The following ZNF705A variants were observed in gnomAD, a reference collection of about 807,000 sequenced individuals.
The protein encoded by ZNF705A is zinc finger protein 705A.
In ZNF705A, 8 loss-of-function variants were observed where a neutral mutation model predicts 16.6. The ratio of observed to expected loss-of-function variants is 0.48; its 90% CI spans 0.28 to 0.87. The LOEUF (loss-of-function observed/expected upper bound fraction) is 0.87. Ranked by LOEUF, ZNF705A falls within the 40% of genes least tolerant of loss-of-function variation. The pLI, the probability that ZNF705A is intolerant of heterozygous loss-of-function variation, is 0.10. For synonymous variants in ZNF705A, 73 were observed against 117.3 expected, an observed-to-expected ratio of 0.62 and a Z score of 2.44; for missense variants, 233 against 359.9, an observed-to-expected ratio of 0.65 and a Z score of 2.85.
intron 1 of ZNF705A, among the ~76,000 whole-genome samples, chr12:8,172,912 C>T (rs1031135349): frequency 6.6e-6 from 1 of 152,102 alleles, no homozygotes; most frequent in African/African-American, 2.4e-5. Context: ...TATTTTATTC[C>T]AGCCCCTATT....
intron 1 of ZNF705A, among the ~76,000 whole-genome samples, chr12:8,165,878 G>T (rs1029382491): frequency 6.6e-6 from 1 of 152,250 alleles, no homozygotes. Flanking sequence ...GTATTCCATG[G>T]TGTACATATA....
In ZNF705A at chr12:8,166,372, A is replaced by G. The variant is rs770826903; in HGVS notation, c.-71-6183A>G. On this transcript the variant is annotated intron_variant, in intron 1 of 5. Transcript: ENST00000396570. ...AAATCTCACCTCAAATTGTACTCCC[A>G]TAATTCCCACATGTTGTGGGGGGAC... 4.6e-5 allele frequency among the ~76,000 whole-genome samples: 7 copies of G among 152,284 alleles called. No individual in the cohort carries two copies. The South Asian group carries it at 1.0e-3, about 23-fold the overall frequency.
chr12:8,178,867 A>G (rs1948508642), exon 5 of ZNF705A: 3 of 152,180 alleles, frequency 2.0e-5, no homozygotes, highest in Admixed American at 2.0e-4. Context: ...TTCTACCCCA[A>G]CTTCTGAGTC....
chr12:8,173,813 C>T (rs1459806419), intron 1 of ZNF705A, among the ~76,000 whole-genome samples: 8 of 152,242 alleles, frequency 5.3e-5, no homozygotes, highest in Admixed American at 3.9e-4. Context: ...AGATAGGAAA[C>T]ACGTTTTCTA....
At chr12:8,172,140 G>T (rs1292425553), upstream of ZNF705A, among the ~76,000 whole-genome samples, 1 of 151,788 alleles carries the variant, frequency 6.6e-6, no homozygotes, top group Admixed American at 6.6e-5. Context: ...AGGCTGTGGT[G>T]GGTGTTGGAG....
Position 8,158,904 on chromosome 12 carries a change from G to C in ZNF705A, c.-72+1812G>C, listed in dbSNP as rs746385329. Among the ~76,000 whole-genome samples the C allele has an allele frequency of 6.6e-5, 10 of 151,966 alleles. No individual in the cohort carries two copies. The South Asian group carries it at 2.1e-3, about 32-fold the overall frequency. Reference sequence around the variant, plus strand: ...TTTTGTGGTGATTTGTGAGATTTTGGTGCACCCATCTCCCGAGCAGTGTAC... The same window carrying C: ...TTTTGTGGTGATTTGTGAGATTTTGCTGCACCCATCTCCCGAGCAGTGTAC... On this transcript the variant is annotated intron_variant, in intron 1 of 5. Transcript: ENST00000396570.
chr12:8,176,891 C>A, intron 4 of ZNF705A, 108 bp from the exon 6 acceptor site: 1 of 1,487,402 alleles, frequency 6.7e-7, no homozygotes, highest in Non-Finnish European at 9.1e-7. Flanking sequence ...GGAAAGCTTT[C>A]AACTGGGGTC....
chr12:8,161,866 A>T (rs1166912920), intron 1 of ZNF705A, among the ~76,000 whole-genome samples: 1 of 152,184 alleles, frequency 6.6e-6, no homozygotes, highest in East Asian at 1.9e-4. Flanking sequence ...AATGCATTCA[A>T]TCTGTAGCGG....
exon 1 of ZNF705A, chr12:8,172,614 G>T (rs757576630): frequency 1.9e-6 from 3 of 1,596,474 alleles, no homozygotes; most frequent in South Asian, 2.2e-5. Flanking sequence ...GAGAGAAACT[G>T]AGTTCCGGAC....
At chr12:8,174,244 C>A in intron 1 of ZNF705A, 82 bp from the exon 3 acceptor site, 1 of 1,596,330 alleles carries the variant, frequency 6.3e-7, no homozygotes, top group East Asian at 2.2e-5. Flanking sequence ...TACCCAGCTC[C>A]TAGCTATGTC....
chr12:8,178,888 TTAAC>T (rs1378021548), exon 5 of ZNF705A: 1 of 152,250 alleles, frequency 6.6e-6, no homozygotes, highest in Non-Finnish European at 1.5e-5. Flanking sequence ...TCCCCAGTCT[TTAAC>T]AGCTCTTTCC....
chr12:8,179,403 C>T (rs1317243634), exon 5 of ZNF705A: 1 of 152,176 alleles, frequency 6.6e-6, no homozygotes, highest in African/African-American at 2.4e-5. Flanking sequence ...TGAAAGTTCT[C>T]ACAGAGGGGC....
At chr12:8,171,282 ATGTAT>A (rs1948442633), upstream of ZNF705A, among the ~76,000 whole-genome samples, 2 of 152,214 alleles carry the variant, frequency 1.3e-5, no homozygotes, top group African/African-American at 4.8e-5. Flanking sequence ...TGTACATAAA[ATGTAT>A]TTAATTATTT....
intron 4 of ZNF705A, among the ~76,000 whole-genome samples, chr12:8,176,336 A>G (rs1350208016): frequency 1.3e-5 from 2 of 152,202 alleles, no homozygotes; most frequent in Non-Finnish European, 2.9e-5. Context: ...TGCCAAAGTT[A>G]AGGACATGCA....
At chr12:8,169,273 T>A (rs1370920294), upstream of ZNF705A, among the ~76,000 whole-genome samples, 1 of 152,206 alleles carries the variant, frequency 6.6e-6, no homozygotes, top group Non-Finnish European at 1.5e-5. Context: ...AGAATAATTT[T>A]AAATTCCATT....
intron 1 of ZNF705A, 139 bp downstream of exon 2, chr12:8,172,776 G>T: frequency 7.1e-7 from 1 of 1,407,188 alleles, no homozygotes; most frequent in Non-Finnish European, 9.6e-7. Context: ...CACCTAGCCT[G>T]GGTATTCCAA....
At chr12:8,178,329 A>G (rs1342967953) in exon 5 of ZNF705A, 2 of 153,028 alleles carry the variant, frequency 1.3e-5, no homozygotes, top group African/African-American at 4.8e-5. Flanking sequence ...AAGTTATGCA[A>G]TGAAAAATCA....
chr12:8,166,872 G>C (rs1948403621), intron 1 of ZNF705A, among the ~76,000 whole-genome samples: 1 of 152,216 alleles, frequency 6.6e-6, no homozygotes, highest in Non-Finnish European at 1.5e-5. Context: ...CCAGGCCTTT[G>C]AGGGGAGGGG....
chr12:8,172,667 A>G, intron 1 of ZNF705A, 30 bp downstream of exon 2: 2 of 1,596,160 alleles, frequency 1.3e-6, no homozygotes, highest in Non-Finnish European at 1.7e-6. Flanking sequence ...TTCTACTGAA[A>G]TTATACCCAT....
Sources: allele counts gnomAD v4.1 joint callset (sites outside exome capture counted in the v4.1 genomes callset), GRCh38; gene constraint gnomAD v4.1.1; transcripts MANE v1.5; gene names NCBI Gene and HGNC (gene_info 2026-07-23, HGNC 2026-07-21).